ERBB4: variants seen among roughly 807,000 people sequenced by gnomAD.
The protein encoded by ERBB4 is erb-b2 receptor tyrosine kinase 4, also known as receptor tyrosine-protein kinase erbB-4.
In ERBB4, 42 loss-of-function variants were observed where a neutral mutation model predicts 158.0. That is an observed-to-expected ratio of 0.27 (90% CI 0.21 to 0.34). The LOEUF is 0.34. ERBB4 is among the 10% of genes least tolerant of loss of function. ERBB4 has a pLI of 1.00. For synonymous variants in ERBB4, 583 were observed against 558.7 expected (o/e 1.04, Z -0.61); for missense variants, 1,333 against 1,624.1 (o/e 0.82, Z 3.08).
chr2:212,278,653 A>G (rs974325920), intron 1 of ERBB4, among the ~76,000 whole-genome samples: 4 of 151,702 alleles, frequency 2.6e-5, no homozygotes, highest in Non-Finnish European at 4.4e-5. Flanking sequence ...AATAATCTTA[A>G]TGGTCTTTCA....
Position 211,861,117 on chromosome 2 carries a change from ATATATTT to A in ERBB4, c.422-72965_422-72959del, listed in dbSNP as rs1194482344. Among the ~76,000 whole-genome samples, 32 of 23,172 alleles carry A rather than the reference ATATATTT, an allele frequency of 1.4e-3. 2 individuals are homozygous for A. Among genetic ancestry groups the A allele is most frequent in the African/African-American group, 6.1e-3 (28 of 4,566 alleles). 15.2% of individuals were successfully genotyped at this position (23,172 alleles called of 152,430 possible). A position where few individuals can be genotyped will look rare whatever the true frequency, so the allele number is the denominator to read the frequency against. On this transcript the variant is annotated intron_variant, in intron 3 of 27. Transcript: ENST00000342788. ...ATAAATACATTATATATATTTATAT[ATATATTT>A]TATATATATATATATATATATATAT... is the stretch of plus-strand genomic sequence containing the variant.
chr2:212,470,269 T>C (rs188640876), intron 1 of ERBB4, among the ~76,000 whole-genome samples: 3 of 152,166 alleles, frequency 2.0e-5, no homozygotes, highest in African/African-American at 7.2e-5. Flanking sequence ...ATCTGGAAAA[T>C]AGTGCCAGCC....
chr2:212,203,649 A>G (rs1389539272), intron 1 of ERBB4, among the ~76,000 whole-genome samples: 2 of 152,218 alleles, frequency 1.3e-5, no homozygotes, highest in Non-Finnish European at 2.9e-5. Flanking sequence ...ATACTCATGA[A>G]AAGGACAAAC....
At chr2:211,909,556 C>A (rs1559078649) in intron 3 of ERBB4, among the ~76,000 whole-genome samples, 3 of 151,750 alleles carry the variant, frequency 2.0e-5, no homozygotes, top group South Asian at 4.2e-4. Flanking sequence ...AAGACAATGG[C>A]AAGTATTTGT....
intron 1 of ERBB4, among the ~76,000 whole-genome samples, chr2:212,400,446 C>G (rs2091167627): frequency 6.6e-6 from 1 of 152,060 alleles, no homozygotes; most frequent in East Asian, 1.9e-4. Context: ...GCTTGGAGCC[C>G]CATATCTTTA....
intron 1 of ERBB4, among the ~76,000 whole-genome samples, chr2:212,282,920 A>T (rs2085812932): frequency 1.3e-5 from 2 of 151,938 alleles, no homozygotes; most frequent in Non-Finnish European, 2.9e-5. Context: ...GGAAAGATAG[A>T]TGTCTTTGTC....
Position 211,713,575 on chromosome 2 carries a change from C to G in ERBB4, c.957G>C (p.Gly319=). The stretch of plus-strand genomic sequence containing the variant: ...CAGTGCAAGGTTTACACATTTTAAT[C>G]CCATTTTCTTCTACTTCCATCTTGG... ...PSSKMEVEEN[G]IKMCKPCTDI... The change falls in exon 8 of 28, where the codon GGG becomes GGC. Residue 319 remains glycine (G), a synonymous_variant. Transcript: ENST00000342788. 1 of 1,612,408 alleles carries G rather than the reference C, an allele frequency of 6.2e-7. No homozygotes were observed. Among genetic ancestry groups the G allele is most frequent in the South Asian group, 1.1e-5 (1 of 91,040 alleles).
chr2:212,059,394 T>C (rs538552016), intron 2 of ERBB4, among the ~76,000 whole-genome samples: 1 of 152,218 alleles, frequency 6.6e-6, no homozygotes, highest in Non-Finnish European at 1.5e-5. Flanking sequence ...TCCAATGCCA[T>C]CCCCATCAAG....
At chr2:211,876,995 A>C (rs2078520915) in intron 3 of ERBB4, among the ~76,000 whole-genome samples, 1 of 152,146 alleles carries the variant, frequency 6.6e-6, no homozygotes, top group South Asian at 2.1e-4. Flanking sequence ...AAGCCTACTG[A>C]GGCAAAGGCT....
At chr2:211,805,973 A>G (rs1222467757) in intron 3 of ERBB4, among the ~76,000 whole-genome samples, 1 of 151,964 alleles carries the variant, frequency 6.6e-6, no homozygotes, top group Admixed American at 6.5e-5. Context: ...AAAAAATAAA[A>G]GAAATAAAGG....
intron 1 of ERBB4, among the ~76,000 whole-genome samples, chr2:212,184,060 C>T (rs559327124): frequency 2.0e-4 from 30 of 152,070 alleles, no homozygotes; most frequent in Non-Finnish European, 4.1e-4. Flanking sequence ...TTGATAACTG[C>T]TTTTCTCCTG....
At chr2:211,756,507 C>G (rs2075290632) in intron 4 of ERBB4, among the ~76,000 whole-genome samples, 1 of 152,088 alleles carries the variant, frequency 6.6e-6, no homozygotes, top group Non-Finnish European at 1.5e-5. Context: ...TTGGAGTTTA[C>G]TCTGTGTGTG....
intron 1 of ERBB4, among the ~76,000 whole-genome samples, chr2:212,137,923 G>C (rs923792826): frequency 6.6e-6 from 1 of 152,146 alleles, no homozygotes; most frequent in African/African-American, 2.4e-5. Flanking sequence ...TCTGTCATTC[G>C]TTTATTCGTT....
chr2:211,638,820 T>C (rs945840291), intron 16 of ERBB4, among the ~76,000 whole-genome samples: 5 of 152,154 alleles, frequency 3.3e-5, no homozygotes, highest in African/African-American at 1.2e-4. Flanking sequence ...AAATTTCAAG[T>C]AGTTTCAGAG....
At chr2:211,448,531 T>C (rs1311300729) in intron 20 of ERBB4, among the ~76,000 whole-genome samples, 1 of 149,862 alleles carries the variant, frequency 6.7e-6, no homozygotes, top group East Asian at 2.0e-4. Flanking sequence ...TTATAAGAAA[T>C]GATAATGAAG....
chr2:212,503,138 G>C (rs1047591564), intron 1 of ERBB4, among the ~76,000 whole-genome samples: 1 of 152,186 alleles, frequency 6.6e-6, no homozygotes, highest in Non-Finnish European at 1.5e-5. Context: ...AATTCAGCCA[G>C]AAACATCTGC....
At chr2:211,662,033 C>T (rs1372686596) in intron 15 of ERBB4, among the ~76,000 whole-genome samples, 1 of 66,654 alleles carries the variant, frequency 1.5e-5, no homozygotes, top group Non-Finnish European at 2.5e-5. Context: ...AGCGGGACTC[C>T]GTCTCAAAAA....
intron 27 of ERBB4, 144 bp downstream of exon 27, chr2:211,386,709 T>A: frequency 1.4e-6 from 1 of 721,922 alleles, no homozygotes; most frequent in Non-Finnish European, 2.5e-6. Flanking sequence ...TCAGGGACCA[T>A]ACTACAAGTA....
At chr2:212,146,397 G>T (rs2080674312) in intron 1 of ERBB4, among the ~76,000 whole-genome samples, 1 of 152,144 alleles carries the variant, frequency 6.6e-6, no homozygotes, top group South Asian at 2.1e-4. Context: ...GCCAAGAATT[G>T]TTGACAATAT....
Sources: allele counts gnomAD v4.1 joint callset (sites outside exome capture counted in the v4.1 genomes callset), GRCh38; gene constraint gnomAD v4.1.1; transcripts MANE v1.5; gene names NCBI Gene and HGNC (gene_info 2026-07-23, HGNC 2026-07-21).